Variants in KCNH8 observed in about 807,000 individuals in gnomAD.
The protein encoded by KCNH8 is voltage-gated delayed rectifier potassium channel KCNH8.
A neutral mutation model predicts 103.6 loss-of-function variants in KCNH8; 70 were observed. That is an observed-to-expected ratio of 0.68 (90% CI 0.56 to 0.82). KCNH8 has a LOEUF of 0.82. Ranked by LOEUF, KCNH8 falls within the 40% of genes least tolerant of loss-of-function variation. KCNH8 has a pLI of 0.00. For missense variants in KCNH8, 1,217 were observed against 1,329.9 expected (o/e 0.92, Z 1.32); for synonymous variants, 498 against 489.4 (o/e 1.02, Z -0.23).
chr3:19,448,960 T>C, intron 8 of KCNH8: 1 of 1,286,346 alleles, frequency 7.8e-7, no homozygotes, highest in Non-Finnish European at 1.0e-6. Flanking sequence ...AAGGCCTTCT[T>C]GGATTATCTG....
chr3:19,290,265 T>A (rs865826280), intron 3 of KCNH8, among the ~76,000 whole-genome samples: 25 of 152,050 alleles, frequency 1.6e-4, no homozygotes, highest in African/African-American at 4.8e-4. Context: ...TGCCCTGGCC[T>A]GAACTTCCAA....
chr3:19,440,323 T>C (rs545325305), intron 8 of KCNH8, among the ~76,000 whole-genome samples: 59 of 152,284 alleles, frequency 3.9e-4, no homozygotes, highest in African/African-American at 1.3e-3. Flanking sequence ...CATTTATGTA[T>C]TCAAATATTG....
chr3:19,523,035 C>A (rs962586632), intron 15 of KCNH8, among the ~76,000 whole-genome samples: 1 of 151,752 alleles, frequency 6.6e-6, no homozygotes, highest in Non-Finnish European at 1.5e-5. Context: ...TGCTGGGAAT[C>A]GGAGTGATAT....
At chr3:19,170,800 A>AT (rs1304305816) in intron 1 of KCNH8, among the ~76,000 whole-genome samples, 1 of 103,616 alleles carries the variant, frequency 9.7e-6, no homozygotes, top group African/African-American at 4.7e-5. Context: ...ATATATATAT[A>AT]TATATATATA....
At chr3:19,416,697 C>G (rs2066868292) in intron 7 of KCNH8, among the ~76,000 whole-genome samples, 1 of 152,120 alleles carries the variant, frequency 6.6e-6, no homozygotes, top group Non-Finnish European at 1.5e-5. Context: ...TATGTCTTTG[C>G]TTCTCTCAAT....
intron 1 of KCNH8, among the ~76,000 whole-genome samples, chr3:19,205,924 A>G (rs7427253): frequency 0.041 from 6,172 of 151,822 alleles, 447 homozygotes; most frequent in African/African-American, 0.14. Context: ...TGAGCAGTAT[A>G]CACTGAACCC....
chr3:19,471,185 G>T (rs1411067206), intron 11 of KCNH8, among the ~76,000 whole-genome samples: 1 of 152,186 alleles, frequency 6.6e-6, no homozygotes, highest in Non-Finnish European at 1.5e-5. Context: ...TTCCTTGGTT[G>T]CTTCCATCCT....
chr3:19,243,277 G>A (rs1467752327), intron 1 of KCNH8, among the ~76,000 whole-genome samples: 5 of 151,854 alleles, frequency 3.3e-5, no homozygotes, highest in East Asian at 1.9e-4. Flanking sequence ...TTCTTGCCTC[G>A]ACCTCTCTTG....
intron 11 of KCNH8, among the ~76,000 whole-genome samples, chr3:19,492,748 A>G (rs960459409): frequency 2.6e-5 from 4 of 151,814 alleles, no homozygotes; most frequent in Non-Finnish European, 5.9e-5. Context: ...TAGGAGTAGC[A>G]CTGAATCTGT....
rs534961784 is a variant in KCNH8, at chr3:19,419,405, T to A, written c.1178-18759T>A. 9.9e-5 allele frequency among the ~76,000 whole-genome samples: 15 copies of A among 151,694 alleles called. 1 individual carries two copies. The South Asian group carries it at 2.3e-3, about 23-fold the overall frequency. On this transcript the variant is annotated intron_variant, in intron 7 of 15. Transcript: ENST00000328405. ...TTAGTAGAGACGGGGTTTCACCGTGTTAGCCAGGATGGTCTCGATCTCCTG... is the reference window on the plus strand; with the variant it reads ...TTAGTAGAGACGGGGTTTCACCGTGATAGCCAGGATGGTCTCGATCTCCTG...
At chr3:19,484,593 G>C (rs1427110437) in intron 11 of KCNH8, among the ~76,000 whole-genome samples, 2 of 152,144 alleles carry the variant, frequency 1.3e-5, no homozygotes, top group African/African-American at 4.8e-5. Context: ...AGTGGCTGTA[G>C]GTTTCACATG....
chr3:19,380,398 A>G (rs893527488), intron 5 of KCNH8, among the ~76,000 whole-genome samples: 4 of 152,194 alleles, frequency 2.6e-5, no homozygotes, highest in African/African-American at 9.7e-5. Flanking sequence ...AATTCTGACT[A>G]TAGGCCAGGT....
intron 1 of KCNH8, among the ~76,000 whole-genome samples, chr3:19,208,177 G>A (rs1464730571): frequency 6.6e-6 from 1 of 151,978 alleles, no homozygotes; most frequent in Non-Finnish European, 1.5e-5. Context: ...AAAGAAATTA[G>A]TCATGTACTC....
chr3:19,408,638 G>A (rs1259761308), intron 7 of KCNH8, among the ~76,000 whole-genome samples: 3 of 152,064 alleles, frequency 2.0e-5, no homozygotes, highest in Admixed American at 6.6e-5. Context: ...TCCAGTAAAT[G>A]AAGGAAGAGA....
chr3:19,412,702 T>TA (rs141482167), intron 7 of KCNH8, among the ~76,000 whole-genome samples: 3,351 of 151,526 alleles, frequency 0.022, 98 homozygotes, highest in African/African-American at 0.063. Context: ...AAAGACAATT[T>TA]AAAAAAAATG....
intron 10 of KCNH8, among the ~76,000 whole-genome samples, chr3:19,455,830 C>A (rs2067523403): frequency 6.6e-6 from 1 of 151,958 alleles, no homozygotes. Context: ...AGTATGATGA[C>A]CCGAAAGTTA....
At chr3:19,451,844 G>T (rs1460953181) in intron 10 of KCNH8, among the ~76,000 whole-genome samples, 3 of 152,116 alleles carry the variant, frequency 2.0e-5, no homozygotes, top group Admixed American at 2.0e-4. Context: ...GAGCAAAGGT[G>T]ACTATGTTTC....
chr3:19,492,597 A>G (rs992280338), intron 11 of KCNH8, among the ~76,000 whole-genome samples: 1 of 152,144 alleles, frequency 6.6e-6, no homozygotes, highest in African/African-American at 2.4e-5. Flanking sequence ...GTTACAAGTC[A>G]GGTAGTGTGA....
At chr3:19,459,021 C>T (rs2067578586) in intron 11 of KCNH8, among the ~76,000 whole-genome samples, 1 of 151,918 alleles carries the variant, frequency 6.6e-6, no homozygotes, top group Non-Finnish European at 1.5e-5. Context: ...TAGGTTAATT[C>T]TGTATCTTGG....
Sources: gnomAD v4.1 joint callset for allele counts (sites outside exome capture counted in the v4.1 genomes callset) on GRCh38, gnomAD v4.1.1 for gene constraint, MANE v1.5 for transcripts, NCBI Gene and HGNC (gene_info 2026-07-23, HGNC 2026-07-21) for gene names.